TTLL5: variants seen among roughly 807,000 people sequenced by gnomAD.
The protein encoded by TTLL5 is tubulin polyglutamylase TTLL5.
TTLL5 carries 132 observed loss-of-function variants against 168.4 expected under a neutral mutation model. The ratio of observed to expected loss-of-function variants is 0.78; its 90% CI spans 0.68 to 0.91. The LOEUF is 0.91. TTLL5 is among the 40% of genes least tolerant of loss of function. The pLI is 0.00. For missense variants in TTLL5, 1,545 were observed against 1,581.5 expected (o/e 0.98, Z 0.39); for synonymous variants, 546 against 558.6 (o/e 0.98, Z 0.32).
At chr14:75,782,404 A>G in intron 24 of TTLL5, 83 bp from the exon 25 acceptor site, 1 of 1,102,032 alleles carries the variant, frequency 9.1e-7, no homozygotes, top group Non-Finnish European at 1.3e-6. Context: ...GTTGTGTTAT[A>G]TTTTTGGGAA....
chr14:75,828,504 T>C (rs1895363614), intron 28 of TTLL5, among the ~76,000 whole-genome samples: 3 of 152,222 alleles, frequency 2.0e-5, no homozygotes, highest in African/African-American at 4.8e-5. Context: ...ATATACCATA[T>C]GTGTTAATTA....
intron 13 of TTLL5, among the ~76,000 whole-genome samples, chr14:75,733,303 C>T (rs764287412): frequency 1.9e-4 from 29 of 152,152 alleles, no homozygotes; most frequent in Non-Finnish European, 3.4e-4. Context: ...CTGAGTATAG[C>T]GGCCAGAGCA....
chr14:75,897,792 A>G (rs1370210433), intron 30 of TTLL5, among the ~76,000 whole-genome samples: 5 of 152,118 alleles, frequency 3.3e-5, no homozygotes, highest in East Asian at 1.9e-4. Flanking sequence ...TTTAATAATC[A>G]TTGACAGTTT....
rs371707081 is a variant in TTLL5, at chr14:75,839,784, CTG to C, written c.3326+19625_3326+19626del. ...CACCATCCTAACGGGTGTGATCTCA[CTG>C]TAGTTTTGATATGCATTTCCCTAAT... On this transcript the variant is annotated intron_variant, in intron 28 of 31. Transcript: ENST00000298832. Among the ~76,000 whole-genome samples, 170 of 152,282 alleles carry C rather than the reference CTG, an allele frequency of 1.1e-3. 1 individual carries two copies. Among genetic ancestry groups the C allele is most frequent in the African/African-American group, 3.8e-3 (158 of 41,548 alleles).
intron 2 of TTLL5, 80 bp downstream of exon 2, chr14:75,663,303 ACTCTT>A (rs1336171803): frequency 3.8e-6 from 5 of 1,324,360 alleles, no homozygotes; most frequent in Non-Finnish European, 5.3e-6. Context: ...TTTACTATAT[ACTCTT>A]CTCTTTTACT....
chr14:75,869,693 C>A (rs2030850292), intron 29 of TTLL5, among the ~76,000 whole-genome samples: 1 of 152,080 alleles, frequency 6.6e-6, no homozygotes, highest in Admixed American at 6.5e-5. Context: ...GGTCTGTCAG[C>A]CTGCAGCATC....
In TTLL5 at chr14:75,861,488, G is replaced by A. The variant is rs564368548; in HGVS notation, c.3327-2179G>A. Among the ~76,000 whole-genome samples, 8 of 152,310 alleles carry A rather than the reference G, an allele frequency of 5.3e-5. No individual in the cohort carries two copies. The East Asian group carries it at 7.7e-4, about 15-fold the overall frequency. On this transcript the variant is annotated intron_variant, in intron 28 of 31. Coordinates refer to ENST00000298832, the MANE Select transcript of TTLL5 (RefSeq NM_015072.5). ...ATAAATAACCCTATGTGGCTTTTAG[G>A]TGAGGACTCTGGAAGGTCTGTGTAG...
chr14:75,711,511 T>C (rs1887074987), intron 9 of TTLL5: 1 of 151,998 alleles, frequency 6.6e-6, no homozygotes, highest in East Asian at 1.9e-4. Flanking sequence ...ACAGGAAAAA[T>C]AAAAATTTCA....
chr14:75,766,404 T>C (rs1270428179), intron 20 of TTLL5, 36 bp downstream of exon 20: 1 of 1,545,054 alleles, frequency 6.5e-7, no homozygotes, highest in South Asian at 1.2e-5. Context: ...GTAAAACTGA[T>C]AACAGCTAAC....
chr14:75,741,836 G>C (rs1394531849), intron 15 of TTLL5, among the ~76,000 whole-genome samples: 1 of 152,192 alleles, frequency 6.6e-6, no homozygotes, highest in Non-Finnish European at 1.5e-5. Context: ...AGGAGTGGTT[G>C]TGAATGTATA....
chr14:75,733,530 C>T (rs1179404808), intron 13 of TTLL5, among the ~76,000 whole-genome samples: 2 of 151,914 alleles, frequency 1.3e-5, no homozygotes, highest in Non-Finnish European at 2.9e-5. Context: ...ACAATAAAGA[C>T]TTTAAAAAGT....
intron 14 of TTLL5, among the ~76,000 whole-genome samples, chr14:75,734,716 A>G (rs17183719): frequency 0.11 from 16,002 of 152,286 alleles, 1,014 homozygotes; most frequent in Non-Finnish European, 0.14. Flanking sequence ...TAGATAATCT[A>G]CAAAGCCAAT....
At chr14:75,703,485 G>A (rs1209558713) in intron 7 of TTLL5, among the ~76,000 whole-genome samples, 1 of 152,150 alleles carries the variant, frequency 6.6e-6, no homozygotes, top group Admixed American at 6.5e-5. Context: ...ACAGCATAAA[G>A]GAACAAAGCT....
intron 27 of TTLL5, among the ~76,000 whole-genome samples, chr14:75,795,307 TCA>T (rs1892941446): frequency 6.6e-6 from 1 of 152,252 alleles, no homozygotes. Flanking sequence ...TAAAAGGCTT[TCA>T]ATAGTAAATG....
At position 75,779,609 on chromosome 14, in the gene TTLL5, A is replaced by G. The variant is rs1337953190; in HGVS notation, c.2422A>G (p.Thr808Ala). 3.1e-6 allele frequency: 5 copies of G among 1,613,698 alleles called. No individual in the cohort carries two copies. Among genetic ancestry groups the G allele is most frequent in the Non-Finnish European group, 3.4e-6 (4 of 1,179,828 alleles). ...AELEEVLTFY[T>A]QKNKSASVFL... ...ACTGGAGGAGGTGTTGACTTTTTAT[A>G]CCCAAAAGAACAAGTCTGCTAGTGT... Residue 808 changes from threonine (T) to alanine (A), a missense_variant, in exon 24 of 32, where the codon ACC becomes GCC. Transcript: ENST00000298832.
chr14:75,693,159 A>G (rs1885582401), intron 6 of TTLL5, among the ~76,000 whole-genome samples: 1 of 152,188 alleles, frequency 6.6e-6, no homozygotes, highest in Non-Finnish European at 1.5e-5. Flanking sequence ...GATGACCCAG[A>G]TAACATTTTA....
intron 29 of TTLL5, among the ~76,000 whole-genome samples, chr14:75,867,584 A>AC (rs1219888297): frequency 6.6e-6 from 1 of 151,990 alleles, no homozygotes; most frequent in Non-Finnish European, 1.5e-5. Context: ...ATATGGTGAA[A>AC]CCCCGTCTCT....
chr14:75,770,179 GAAA>G (rs56876692), intron 20 of TTLL5, among the ~76,000 whole-genome samples: 4 of 85,024 alleles, frequency 4.7e-5, no homozygotes, highest in African/African-American at 1.0e-4. Flanking sequence ...ACTCTGTCTC[GAAA>G]AAAAAAAAAA....
chr14:75,689,064 T>G (rs1221265259), intron 5 of TTLL5, among the ~76,000 whole-genome samples: 3 of 152,244 alleles, frequency 2.0e-5, no homozygotes. Context: ...GAGACTAGAT[T>G]GTAAAAGACA....
Sources: gnomAD v4.1 joint callset for allele counts (sites outside exome capture counted in the v4.1 genomes callset) on GRCh38, gnomAD v4.1.1 for gene constraint, MANE v1.5 for transcripts, NCBI Gene and HGNC (gene_info 2026-07-23, HGNC 2026-07-21) for gene names.